Variants in COL5A1 observed in about 807,000 individuals in gnomAD.
COL5A1 encodes the protein collagen alpha-1(V) chain.
In COL5A1, 16 loss-of-function variants were observed where a neutral mutation model predicts 263.7. That is an observed-to-expected ratio of 0.06 (90% CI 0.04 to 0.09). The LOEUF (loss-of-function observed/expected upper bound fraction) is 0.09. Among genes scored for constraint, COL5A1 ranks in the 10% least tolerant of loss-of-function variants. The pLI, the probability that COL5A1 is intolerant of heterozygous loss-of-function variation, is 1.00. For synonymous variants in COL5A1, 1,012 were observed against 1,004.5 expected (o/e 1.01, Z -0.14); for missense variants, 2,036 against 2,540.5 (o/e 0.80, Z 4.27).
At chr9:134,737,778 G>T (rs1835157547) in intron 9 of COL5A1, among the ~76,000 whole-genome samples, 1 of 152,186 alleles carries the variant, frequency 6.6e-6, no homozygotes, top group Admixed American at 6.5e-5. Flanking sequence ...GCTGACCCAA[G>T]AGCCAGGAGG....
chr9:134,685,421 T>C (rs1833013832), intron 1 of COL5A1, among the ~76,000 whole-genome samples: 3 of 4,342 alleles, frequency 6.9e-4, no homozygotes, highest in African/African-American at 2.0e-3. Context: ...AATTCATCCA[T>C]CCATCCATCC....
At position 134,842,131 on chromosome 9, in the gene COL5A1, C is replaced by T. The variant is rs780213548; in HGVS notation, c.5371-26C>T. 36 of 1,613,830 alleles carry T rather than the reference C, an allele frequency of 2.2e-5. No individual in the cohort carries two copies. Among genetic ancestry groups the T allele is most frequent in the Middle Eastern group, 1.6e-4 (1 of 6,082 alleles). ...AAGACCCCCAACTGTTCTTAACCAC[C>T]GGCCATCTGTCTCCCTCTTCCCCAG... On this transcript the variant is annotated intron_variant, in intron 65 of 65. Transcript: ENST00000371817. This position sits in a 1 kb window ranked among gnomAD's most constrained non-coding sequence, Gnocchi z 5.8.
Position 134,824,866 on chromosome 9 carries a change from G to C in COL5A1, c.4954+11G>C, listed in dbSNP as rs957818279. ...CCGACTTCCCAGATGGTGAGGGCCT[G>C]GGGGGGCAGGGGTGGCCCCCCAAAG... is the stretch of plus-strand genomic sequence containing the variant. On this transcript the variant is annotated intron_variant, in intron 62 of 65. Transcript: ENST00000371817. The C allele has an allele frequency of 6.2e-6, 10 of 1,605,450 alleles. No homozygotes were observed. Among genetic ancestry groups the C allele is most frequent in the Non-Finnish European group, 8.5e-6 (10 of 1,177,334 alleles).
chr9:134,658,025 G>A (rs1564370558), intron 1 of COL5A1, among the ~76,000 whole-genome samples: 1 of 151,982 alleles, frequency 6.6e-6, no homozygotes, highest in Non-Finnish European at 1.5e-5. Context: ...ATGGCGGACT[G>A]CACTCGGAGT....
Position 134,831,101 on chromosome 9 carries a change from G to A in COL5A1, c.5136+1057G>A, listed in dbSNP as rs952601706. ...TCAGAAGGCAGCCCGTGGGTTCTGC[G>A]GCTTGTAGCCTGACCACTTGCCATG... On this transcript the variant is annotated intron_variant, in intron 64 of 65. Coordinates refer to ENST00000371817, the MANE Select transcript of COL5A1 (RefSeq NM_000093.5). Among the ~76,000 whole-genome samples, 11 of 152,174 alleles carry A rather than the reference G, an allele frequency of 7.2e-5. No individual in the cohort carries two copies. The East Asian group carries it at 7.7e-4, about 11-fold the overall frequency.
At chr9:134,768,607 A>C (rs1435028692) in intron 25 of COL5A1, 144 bp downstream of exon 25, 3 of 782,764 alleles carry the variant, frequency 3.8e-6, no homozygotes, top group Non-Finnish European at 6.5e-6. Flanking sequence ...TTTGGTCTCC[A>C]GTTGGACTGC....
intron 13 of COL5A1, among the ~76,000 whole-genome samples, chr9:134,751,577 A>G (rs990248232): frequency 7.0e-6 from 1 of 142,458 alleles, no homozygotes; most frequent in African/African-American, 2.6e-5. Context: ...CCTATTGTGA[A>G]GTAGCTCATT....
intron 29 of COL5A1, among the ~76,000 whole-genome samples, chr9:134,783,356 CT>C (rs1837331211): frequency 6.6e-6 from 1 of 152,156 alleles, no homozygotes; most frequent in South Asian, 2.1e-4. Context: ...GGGACTGGGG[CT>C]TGCCGGCAAC....
In COL5A1 at chr9:134,642,166, C is replaced by A; in HGVS notation, c.-22C>A. The A allele has an allele frequency of 8.0e-7, 1 of 1,248,030 alleles. No individual in the cohort carries two copies. Among genetic ancestry groups the A allele is most frequent in the South Asian group, 3.6e-5 (1 of 27,678 alleles). 77.3% of individuals were successfully genotyped at this position (1,248,030 alleles called of 1,614,324 possible). On this transcript the variant is annotated 5_prime_UTR_variant, in exon 1 of 66. Transcript: ENST00000371817. This position sits in a 1 kb window ranked among gnomAD's most constrained non-coding sequence, Gnocchi z 4.5. ...GCGCGCCTCCGAGCGCCCCTGTGCG[C>A]CCCGGCCCGCGCCCCGCCGGCATGG...
chr9:134,792,143 G>T (rs982695461), intron 32 of COL5A1, among the ~76,000 whole-genome samples: 2 of 152,254 alleles, frequency 1.3e-5, no homozygotes, highest in Non-Finnish European at 2.9e-5. Context: ...CAAGGGAGAC[G>T]TGGGAGTGGG....
chr9:134,685,158 C>T (rs1832986826), intron 1 of COL5A1, among the ~76,000 whole-genome samples: 3 of 151,794 alleles, frequency 2.0e-5, no homozygotes, highest in African/African-American at 7.3e-5. Context: ...TTCATCCATC[C>T]ATCCACCATC....
At position 134,754,002 on chromosome 9, in the gene COL5A1, A is replaced by G. The variant is rs1001836864; in HGVS notation, c.1773+99A>G. ...GGGACCCCAACTGCTGCATGTTTTC[A>G]AGGAAATTCGTGGGAATTGTCCTTG... On this transcript the variant is annotated intron_variant, in intron 15 of 65. Transcript: ENST00000371817. The surrounding 1 kb of genome is among the most constrained non-coding windows in gnomAD (Gnocchi z 4.3). 9 of 1,138,746 alleles carry G rather than the reference A, an allele frequency of 7.9e-6. No individual in the cohort carries two copies. The highest frequency in any genetic ancestry group is 2.5e-5 in the South Asian group (2 of 81,248). 70.5% of individuals were successfully genotyped at this position (1,138,746 alleles called of 1,614,324 possible). A position where few individuals can be genotyped will look rare whatever the true frequency, so the allele number is the denominator to read the frequency against.
At chr9:134,733,360 C>T (rs1834974292) in intron 9 of COL5A1, among the ~76,000 whole-genome samples, 1 of 152,222 alleles carries the variant, frequency 6.6e-6, no homozygotes, top group African/African-American at 2.4e-5. Flanking sequence ...TCCCAGGGTC[C>T]AGGGCTTCAC....
rs863223448 is a variant in COL5A1 at position 134,806,280 on chromosome 9, G to C, written c.3350G>C (p.Gly1117Ala). 1.3e-6 allele frequency: 2 copies of C among 1,548,826 alleles called. No individual in the cohort carries two copies. Among genetic ancestry groups the C allele is most frequent in the Non-Finnish European group, 1.7e-6 (2 of 1,146,454 alleles). The change falls in exon 42 of 66, where the codon GGA (glycine) becomes GCA (alanine). Residue 1117 changes from glycine to alanine, a missense_variant. By Grantham distance (60) the Gly-to-Ala change is moderately conservative (BLOSUM62 0). Coordinates refer to ENST00000371817, the MANE Select transcript of COL5A1 (RefSeq NM_000093.5). Reference protein sequence around the residue: ...PGPQGPPGPAGEKGAPGEKGP... With the variant: ...PGPQGPPGPAAEKGAPGEKGP... ...CCCCAGGGACCCCCAGGGCCGGCAG[G>C]AGAGAAAGGGGCTCCTGTAAGTACT...
intron 39 of COL5A1, among the ~76,000 whole-genome samples, 177 bp downstream of exon 39, chr9:134,803,172 G>T (rs1838174196): frequency 6.6e-6 from 1 of 152,208 alleles, no homozygotes; most frequent in Non-Finnish European, 1.5e-5. Context: ...CACTCCAGGA[G>T]TCGCGCTGAC....
At chr9:134,816,094 A>G (rs1838733782) in intron 52 of COL5A1, 106 bp downstream of exon 52, 1 of 1,057,096 alleles carries the variant, frequency 9.5e-7, no homozygotes, top group Non-Finnish European at 1.5e-6. Flanking sequence ...CCTAGTTGAT[A>G]TTGATTCCTT....
chr9:134,657,965 G>T (rs1832075445), intron 1 of COL5A1, among the ~76,000 whole-genome samples: 1 of 151,922 alleles, frequency 6.6e-6, no homozygotes, highest in Non-Finnish European at 1.5e-5. Context: ...TGGCCTGTCG[G>T]GTGGGCTTCA....
chr9:134,757,187 TG>T lies in COL5A1; in HGVS notation c.1881+371del, dbSNP rs1432779770. On this transcript the variant is annotated intron_variant, in intron 17 of 65. Transcript: ENST00000371817. This position sits in a 1 kb window ranked among gnomAD's most constrained non-coding sequence, Gnocchi z 6.2. ...GTCCAGTCGGGACTCCTGGGTGTTG[TG>T]GAGGTGAGTAGATGTTGCCCGTGGC... 1.9e-4 allele frequency among the ~76,000 whole-genome samples: 29 copies of T among 152,112 alleles called. No individual in the cohort carries two copies. The highest frequency in any genetic ancestry group is 1.8e-3 in the Admixed American group (28 of 15,288).
At chr9:134,728,328 G>A (rs1318068896) in intron 5 of COL5A1, among the ~76,000 whole-genome samples, 1 of 152,240 alleles carries the variant, frequency 6.6e-6, no homozygotes, top group African/African-American at 2.4e-5. Context: ...GGAGCCTGCT[G>A]GAGACATGGT....
Sources: gnomAD v4.1 joint callset for allele counts (sites outside exome capture counted in the v4.1 genomes callset) on GRCh38, gnomAD v4.1.1 for gene constraint, Gnocchi (gnomAD v3.1) non-coding constraint, MANE v1.5 for transcripts, NCBI Gene and HGNC (gene_info 2026-07-23, HGNC 2026-07-21) for gene names.